Variants in CNTN1 observed in about 807,000 individuals in gnomAD.
CNTN1 encodes the protein contactin-1.
A neutral mutation model predicts 126.4 loss-of-function variants in CNTN1; 38 were observed. That is an observed-to-expected ratio of 0.30 (90% confidence interval 0.23 to 0.39). CNTN1 has a LOEUF of 0.39. Ranked by LOEUF, CNTN1 falls within the 10% of genes least tolerant of loss-of-function variation. The probability of loss-of-function intolerance (pLI) is 1.00; values close to 1 mark genes in which losing one functional copy is unlikely to be tolerated. For missense variants in CNTN1, 1,009 were observed against 1,248.4 expected, an observed-to-expected ratio of 0.81 and a Z score of 2.89; for synonymous variants, 413 against 422.6, an observed-to-expected ratio of 0.98 and a Z score of 0.28.
chr12:40,870,148 A>T (rs903102321), intron 1 of CNTN1, among the ~76,000 whole-genome samples: 17 of 149,754 alleles, frequency 1.1e-4, no homozygotes, highest in African/African-American at 1.5e-4. Context: ...GCCACGTGGA[A>T]CTCTAAGTCC....
intron 17 of CNTN1, among the ~76,000 whole-genome samples, chr12:41,012,632 C>T (rs1418054268): frequency 6.6e-6 from 1 of 152,144 alleles, no homozygotes; most frequent in Non-Finnish European, 1.5e-5. Context: ...TCAAACATGG[C>T]CAATATGCCA....
At chr12:40,790,808 A>C (rs1471775617) in intron 1 of CNTN1, among the ~76,000 whole-genome samples, 1 of 152,104 alleles carries the variant, frequency 6.6e-6, no homozygotes, top group Non-Finnish European at 1.5e-5. Context: ...GCCCCTTTAA[A>C]AATTCTTTCC....
intron 1 of CNTN1, among the ~76,000 whole-genome samples, chr12:40,714,239 A>G (rs543393074): frequency 6.6e-4 from 101 of 152,244 alleles, no homozygotes; most frequent in African/African-American, 2.3e-3. Flanking sequence ...AATAAACTCA[A>G]GAAAGTCAAG....
At chr12:41,054,084 C>T (rs1033627770) in intron 23 of CNTN1, among the ~76,000 whole-genome samples, 21 of 151,696 alleles carry the variant, frequency 1.4e-4, no homozygotes, top group Admixed American at 1.4e-3. Context: ...TTATATTATT[C>T]TCAAATTAAA....
intron 17 of CNTN1, among the ~76,000 whole-genome samples, chr12:40,998,403 C>T (rs1948274451): frequency 2.6e-5 from 4 of 152,104 alleles, no homozygotes; most frequent in Admixed American, 2.6e-4. Flanking sequence ...CATTCTGCTT[C>T]ACCTATTTAA....
At position 41,030,259 on chromosome 12, in the gene CNTN1, C is replaced by CA. The variant is rs201029141; in HGVS notation, c.2980+1046dup. 9.1e-3 allele frequency among the ~76,000 whole-genome samples: 1,377 copies of CA among 151,960 alleles called. 22 individuals are homozygous for CA. Among genetic ancestry groups the CA allele is most frequent in the African/African-American group, 0.031 (1,280 of 41,486 alleles). On this transcript the variant is annotated intron_variant, in intron 23 of 23. Coordinates refer to ENST00000551295, the MANE Select transcript of CNTN1 (RefSeq NM_001843.4). ...ATAAATATGCTATATATTAAACCAACAAAAAATCCTTTACCACAATGCCAG... is the reference window on the plus strand; with the variant it reads ...ATAAATATGCTATATATTAAACCAACAAAAAAATCCTTTACCACAATGCCAG...
chr12:40,867,376 T>C (rs984236091), intron 1 of CNTN1, among the ~76,000 whole-genome samples: 3 of 152,154 alleles, frequency 2.0e-5, no homozygotes, highest in Non-Finnish European at 4.4e-5. Flanking sequence ...AATCTTTCTA[T>C]GAGATATTGG....
intron 23 of CNTN1, among the ~76,000 whole-genome samples, chr12:41,041,566 A>G (rs377133625): frequency 7.9e-5 from 12 of 151,860 alleles, no homozygotes; most frequent in Admixed American, 2.0e-4. Flanking sequence ...TGGTTGGTAA[A>G]CTATTGATTA....
rs536198451 is a variant in CNTN1, at chr12:40,770,986, A to G, written c.-77+78394A>G. ...TTCAATTTTAATTCATTGTTTTCCA[A>G]TCCTGTGAGCTGAGTCTTGCTTTGC... On this transcript the variant is annotated intron_variant, in intron 1 of 23. Coordinates refer to ENST00000551295, the MANE Select transcript of CNTN1 (RefSeq NM_001843.4). Among the ~76,000 whole-genome samples the G allele has an allele frequency of 1.4e-4, 22 of 152,180 alleles. No individual in the cohort carries two copies. In the South Asian group the frequency reaches 1.9e-3, roughly 13 times the overall value.
chr12:40,866,890 T>C (rs1048054235), intron 1 of CNTN1, among the ~76,000 whole-genome samples: 10 of 152,206 alleles, frequency 6.6e-5, no homozygotes, highest in African/African-American at 2.4e-4. Context: ...TGTATTTGTT[T>C]TGTGATCCAG....
intron 1 of CNTN1, among the ~76,000 whole-genome samples, chr12:40,856,823 C>T (rs967292805): frequency 6.6e-6 from 1 of 151,942 alleles, no homozygotes; most frequent in African/African-American, 2.4e-5. Context: ...ACAAAAATAA[C>T]TTGAGAATGC....
At chr12:40,988,583 A>G (rs1948023491) in intron 16 of CNTN1, among the ~76,000 whole-genome samples, 2 of 152,142 alleles carry the variant, frequency 1.3e-5, no homozygotes, top group East Asian at 3.9e-4. Context: ...GATACCCATG[A>G]GGCTTGATTC....
chr12:40,831,093 T>C (rs1318901438), intron 1 of CNTN1, among the ~76,000 whole-genome samples: 1 of 146,084 alleles, frequency 6.8e-6, no homozygotes, highest in Non-Finnish European at 1.5e-5. Flanking sequence ...ATACTATATA[T>C]ACTATACATA....
At chr12:41,065,741 C>T (rs906994547) in intron 23 of CNTN1, among the ~76,000 whole-genome samples, 9 of 152,234 alleles carry the variant, frequency 5.9e-5, no homozygotes, top group African/African-American at 2.2e-4. Flanking sequence ...TCATTGGTAA[C>T]AGCACCATCC....
intron 1 of CNTN1, among the ~76,000 whole-genome samples, chr12:40,761,237 AT>A (rs1007880736): frequency 6.6e-6 from 1 of 152,084 alleles, no homozygotes; most frequent in African/African-American, 2.4e-5. Context: ...ATCTATACCA[AT>A]TTTTAGAAAA....
At chr12:41,065,516 G>A (rs528391797) in intron 23 of CNTN1, among the ~76,000 whole-genome samples, 1 of 152,196 alleles carries the variant, frequency 6.6e-6, no homozygotes, top group Non-Finnish European at 1.5e-5. Flanking sequence ...ATGCAGGTGC[G>A]AAGGAGAAGT....
chr12:40,789,083 A>T (rs1386180985), intron 1 of CNTN1, among the ~76,000 whole-genome samples: 1 of 152,102 alleles, frequency 6.6e-6, no homozygotes, highest in African/African-American at 2.4e-5. Context: ...TTACATATTA[A>T]TTGCTATATA....
At chr12:40,885,061 C>A (rs1380737003) in intron 1 of CNTN1, among the ~76,000 whole-genome samples, 1 of 151,644 alleles carries the variant, frequency 6.6e-6, no homozygotes, top group East Asian at 1.9e-4. Flanking sequence ...TGCCTCAGTG[C>A]CCTTTATTGA....
chr12:40,769,351 A>G lies in CNTN1; in HGVS notation c.-77+76759A>G, dbSNP rs1022907320. Among the ~76,000 whole-genome samples, 6 of 152,234 alleles carry G rather than the reference A, an allele frequency of 3.9e-5. No homozygotes were observed. The East Asian group carries it at 5.8e-4, about 15-fold the overall frequency. On this transcript the variant is annotated intron_variant, in intron 1 of 23. Transcript: ENST00000551295. ...CACTAAATTCAATCTTCTGATAAACATGATGTTAATGTTATTAAATATCAT... is the reference window on the plus strand; with the variant it reads ...CACTAAATTCAATCTTCTGATAAACGTGATGTTAATGTTATTAAATATCAT...
Sources: gnomAD v4.1 joint callset for allele counts (sites outside exome capture counted in the v4.1 genomes callset) on GRCh38, gnomAD v4.1.1 for gene constraint, MANE v1.5 for transcripts, NCBI Gene and HGNC (gene_info 2026-07-23, HGNC 2026-07-21) for gene names.